Variants in SNRPA observed in about 807,000 individuals in gnomAD.
The protein encoded by SNRPA is U1 small nuclear ribonucleoprotein A.
SNRPA carries 10 observed loss-of-function variants against 24.5 expected under a neutral mutation model. The ratio of observed to expected loss-of-function variants is 0.41; its 90% confidence interval spans 0.25 to 0.69. The LOEUF (loss-of-function observed/expected upper bound fraction) is 0.69, where lower values mean the gene tolerates loss of function less well. Ranked by LOEUF, SNRPA falls within the 30% of genes least tolerant of loss-of-function variation. The pLI is 0.33. For synonymous variants in SNRPA, 165 were observed against 148.4 expected (o/e 1.11, Z -0.81); for missense variants, 283 against 394.7 (o/e 0.72, Z 2.40).
At chr19:40,753,709 TAG>T (rs1369129551) in intron 1 of SNRPA, among the ~76,000 whole-genome samples, 1 of 151,700 alleles carries the variant, frequency 6.6e-6, no homozygotes, top group Admixed American at 6.6e-5. Flanking sequence ...CATATGTTTT[TAG>T]AGTGTGGTGC....
chr19:40,756,800 C>A (rs1225066514), intron 1 of SNRPA, among the ~76,000 whole-genome samples: 1 of 152,082 alleles, frequency 6.6e-6, no homozygotes, highest in East Asian at 1.9e-4. Context: ...GAGGTGGCAA[C>A]ATTTCCTCTG....
At chr19:40,757,029 G>T in intron 1 of SNRPA, 1 of 333,464 alleles carries the variant, frequency 3.0e-6, no homozygotes, top group South Asian at 2.6e-5. Context: ...GGGTGCTGGT[G>T]GCAGTGAAAA....
In SNRPA at chr19:40,762,911, C is replaced by T. The variant is rs768970890; in HGVS notation, c.437C>T (p.Pro146Leu). 2.5e-6 allele frequency: 4 copies of T among 1,613,594 alleles called. No homozygotes were observed. The highest frequency in any genetic ancestry group is 2.2e-5 in the East Asian group (1 of 44,870). ...TCCCTCTCTCCACAGGGCATGCCGC[C>T]GATGACTCAGGCGCCCCGCATTATG... The part of the protein sequence containing the change: ...AVQGPVPGMP[P>L]MTQAPRIMHH... The change falls in exon 4 of 6, where the codon CCG becomes CTG. Residue 146 changes from proline to leucine, a missense_variant. Physicochemically the swap from Pro to Leu is moderately conservative, Grantham distance 98 (BLOSUM62 -3). Around this residue, in one of 6 missense-constraint regions of SNRPA, gnomAD observed 167 missense variants for 174.3 expected, o/e 0.96. Transcript: ENST00000243563.
rs2082948858 is a variant in SNRPA, at chr19:40,765,194, T to A, written c.*27T>A. 6.8e-7 allele frequency: 1 copy of A among 1,473,092 alleles called. No homozygotes were observed. The highest frequency in any genetic ancestry group is 9.1e-7 in the Non-Finnish European group (1 of 1,103,818). 91.3% of individuals were successfully genotyped at this position (1,473,092 alleles called of 1,614,324 possible). A position where few individuals can be genotyped will look rare whatever the true frequency, so the allele number is the denominator to read the frequency against. Reference sequence around the variant, plus strand: ...ACCTTTTCCCCCCATGCCTGCCCCTTCCCCTGTTCTGGGGCCACCCCTTTC... The same window carrying A: ...ACCTTTTCCCCCCATGCCTGCCCCTACCCCTGTTCTGGGGCCACCCCTTTC... On this transcript the variant is annotated 3_prime_UTR_variant, in exon 6 of 6. Coordinates refer to ENST00000243563, the MANE Select transcript of SNRPA (RefSeq NM_004596.5).
chr19:40,760,803 G>T lies in SNRPA; in HGVS notation c.426+1193G>T, dbSNP rs189513869. Among the ~76,000 whole-genome samples, 20 of 152,300 alleles carry T rather than the reference G, an allele frequency of 1.3e-4. No homozygotes were observed. In the East Asian group the frequency reaches 3.5e-3, roughly 26 times the overall value. ...AAAATAAAATAGAAAACTGGGCGTG[G>T]TGACTCATTCCTGTAGTCCCAGCTG... is the stretch of plus-strand genomic sequence containing the variant. On this transcript the variant is annotated intron_variant, in intron 3 of 5. Coordinates refer to ENST00000243563, the MANE Select transcript of SNRPA (RefSeq NM_004596.5).
At chr19:40,754,056 C>T (rs1355684234) in intron 1 of SNRPA, among the ~76,000 whole-genome samples, 2 of 150,704 alleles carry the variant, frequency 1.3e-5, no homozygotes, top group Non-Finnish European at 2.9e-5. Context: ...CCACCTTGGC[C>T]TCCAAAAGTG....
At chr19:40,760,767 C>T (rs2082927932) in intron 3 of SNRPA, among the ~76,000 whole-genome samples, 1 of 152,066 alleles carries the variant, frequency 6.6e-6, no homozygotes, top group South Asian at 2.1e-4. Context: ...AGCAAGACCT[C>T]ATCTCTACAA....
At chr19:40,760,398 G>A (rs537183393) in intron 3 of SNRPA, among the ~76,000 whole-genome samples, 3 of 152,162 alleles carry the variant, frequency 2.0e-5, no homozygotes, top group Non-Finnish European at 4.4e-5. Flanking sequence ...TTTGCAGAAC[G>A]ACTACACTGA....
rs138619399 is a variant in SNRPA, at chr19:40,751,456, C to T, written c.48C>T (p.Asn16=). 1.3e-5 allele frequency: 21 copies of T among 1,613,352 alleles called. No individual in the cohort carries two copies. The South Asian group carries it at 1.3e-4, about 10-fold the overall frequency. ...TRPNHTIYIN[N]LNEKIKKDEL... ...CTAACCACACTATTTATATCAACAACCTCAATGAGAAGATCAAGAAGGATG... is the reference window on the plus strand; with the variant it reads ...CTAACCACACTATTTATATCAACAATCTCAATGAGAAGATCAAGAAGGATG... The change falls in exon 1 of 6, where the codon AAC becomes AAT. Residue 16 remains asparagine, a synonymous_variant. Transcript: ENST00000243563.
chr19:40,759,501 G>C lies in SNRPA; in HGVS notation c.317G>C (p.Arg106Pro), dbSNP rs765984414. 2 of 1,613,852 alleles carry C rather than the reference G, an allele frequency of 1.2e-6. No individual in the cohort carries two copies. The highest frequency in any genetic ancestry group is 2.2e-5 in the South Asian group (2 of 91,074). Residue 106 changes from arginine to proline, a missense_variant, in exon 3 of 6, where the codon CGC (arginine) becomes CCC (proline). By Grantham distance (103) the Arg-to-Pro change is moderately radical. Transcript: ENST00000243563. ...AAAGGCACCTTCGTGGAGCGGGACCGCAAGCGGGAGAAGAGGAAGCCCAAG... is the reference window on the plus strand; with the variant it reads ...AAAGGCACCTTCGTGGAGCGGGACCCCAAGCGGGAGAAGAGGAAGCCCAAG... ...KMKGTFVERD[R>P]KREKRKPKSQ...
At chr19:40,762,162 C>T (rs765478188) in intron 3 of SNRPA, among the ~76,000 whole-genome samples, 26 of 152,124 alleles carry the variant, frequency 1.7e-4, no homozygotes, top group African/African-American at 2.4e-4. Context: ...CTTGCTGCCA[C>T]GCGTTTTGTT....
chr19:40,756,495 C>T (rs2082909033), intron 1 of SNRPA, among the ~76,000 whole-genome samples: 1 of 151,324 alleles, frequency 6.6e-6, no homozygotes, highest in African/African-American at 2.4e-5. Flanking sequence ...ACTCCATAGG[C>T]TGAAGTGGGA....
chr19:40,751,442 A>G lies in SNRPA; in HGVS notation c.34A>G (p.Ile12Val). The G allele has an allele frequency of 3.1e-6, 5 of 1,613,196 alleles. No individual in the cohort carries two copies. Among genetic ancestry groups the G allele is most frequent in the South Asian group, 1.1e-5 (1 of 91,028 alleles). The change falls in exon 1 of 6, where the codon ATT becomes GTT. Residue 12 changes from isoleucine (I) to valine (V), a missense_variant. Physicochemically the swap from Ile to Val is conservative, Grantham distance 29. Coordinates refer to ENST00000243563, the MANE Select transcript of SNRPA (RefSeq NM_004596.5). ...AVPETRPNHT[I>V]YINNLNEKIK... ...TCCCGAGACCCGCCCTAACCACACT[A>G]TTTATATCAACAACCTCAATGAGAA...
Position 40,765,078 on chromosome 19 carries a change from G to C in SNRPA, c.760G>C (p.Glu254Gln), listed in dbSNP as rs774552241. The C allele has an allele frequency of 6.3e-7, 1 of 1,594,692 alleles. No individual in the cohort carries two copies. The highest frequency in any genetic ancestry group is 8.5e-7 in the Non-Finnish European group (1 of 1,171,816). ...HDIAFVEFDNEVQAGAARDAL... is the reference protein window; with the variant it reads ...HDIAFVEFDNQVQAGAARDAL... The stretch of plus-strand genomic sequence containing the variant: ...CATCGCCTTCGTGGAGTTTGACAAT[G>C]AGGTACAGGCAGGGGCAGCTCGCGA... The change falls in exon 6 of 6, where the codon GAG becomes CAG. Residue 254 changes from glutamate to glutamine, a missense_variant. Coordinates refer to ENST00000243563, the MANE Select transcript of SNRPA (RefSeq NM_004596.5).
chr19:40,761,684 C>T (rs1019965217), intron 3 of SNRPA, among the ~76,000 whole-genome samples: 11 of 151,796 alleles, frequency 7.2e-5, no homozygotes, highest in Admixed American at 5.9e-4. Context: ...CCAGGCTGGT[C>T]TCGAACTCCT....
rs2082942656 is a variant in SNRPA at position 40,763,664 on chromosome 19, G to A, written c.678G>A (p.Met226Ile). 1.2e-6 allele frequency: 2 copies of A among 1,613,824 alleles called. No homozygotes were observed. ...PEETNELMLS[M>I]LFNQFPGFKE... ...AGACCAACGAGCTCATGCTGTCCAT[G>A]CTTTTCAATCAGTAAGTGGGGCCTG... The change falls in exon 5 of 6, where the codon ATG (methionine) becomes ATA (isoleucine). Residue 226 changes from methionine (M) to isoleucine (I), a missense_variant. Transcript: ENST00000243563.
At chr19:40,754,486 T>G (rs1009468348) in intron 1 of SNRPA, among the ~76,000 whole-genome samples, 1 of 151,986 alleles carries the variant, frequency 6.6e-6, no homozygotes, top group East Asian at 1.9e-4. Context: ...AGGGCTGGGA[T>G]TGGGAACTTA....
Position 40,751,661 on chromosome 19 carries a change from CT to C in SNRPA, c.73+183del, listed in dbSNP as rs112768145. ...CCATTAGTTCATCTTACACTCTGCC[CT>C]TTAACGTGGTCACTGCTGCTCATCT... is the stretch of plus-strand genomic sequence containing the variant. On this transcript the variant is annotated intron_variant, in intron 1 of 5. Coordinates refer to ENST00000243563, the MANE Select transcript of SNRPA (RefSeq NM_004596.5). 2.7e-3 allele frequency: 1,643 copies of C among 602,950 alleles called. 25 individuals are homozygous for C. The highest frequency in any genetic ancestry group is 0.026 in the African/African-American group (1,439 of 54,388). The allele number at this position is 602,950 out of a possible 1,614,324, so 37.3% of individuals were successfully genotyped here.
Position 40,763,601 on chromosome 19 carries a change from A to G in SNRPA, c.615A>G (p.Pro205=). The G allele has an allele frequency of 6.2e-7, 1 of 1,614,054 alleles. No individual in the cohort carries two copies. Residue 205 remains proline, a synonymous_variant, in exon 5 of 6, where the codon CCA becomes CCG. Transcript: ENST00000243563. The part of the protein sequence containing the change: ...MPPAQPLSEN[P]PNHILFLTNL... ...TACCCCCGCAGCTTTCTGAGAATCCACCGAATCACATCTTGTTCCTCACCA... is the reference window on the plus strand; with the variant it reads ...TACCCCCGCAGCTTTCTGAGAATCCGCCGAATCACATCTTGTTCCTCACCA...
Sources: allele counts gnomAD v4.1 joint callset (sites outside exome capture counted in the v4.1 genomes callset), GRCh38; gene constraint gnomAD v4.1.1; regional missense constraint gnomAD v4.1.1; transcripts MANE v1.5; gene names NCBI Gene and HGNC (gene_info 2026-07-23, HGNC 2026-07-21).